SIPA1L2: variants seen among roughly 807,000 people sequenced by gnomAD.
SIPA1L2 encodes the protein signal induced proliferation associated 1 like 2.
Under a neutral mutation model 163.9 loss-of-function variants are expected in SIPA1L2, and 56 were observed. The ratio of observed to expected loss-of-function variants is 0.34; its 90% CI spans 0.28 to 0.43. SIPA1L2 has a LOEUF of 0.43. SIPA1L2 is among the 20% of genes least tolerant of loss of function. The pLI is 1.00. For synonymous variants in SIPA1L2, 877 were observed against 865.7 expected (o/e 1.01, Z -0.23); for missense variants, 1,974 against 2,193.5 (o/e 0.90, Z 2.00).
chr1:232,461,805 C>G (rs1044587556), intron 9 of SIPA1L2, among the ~76,000 whole-genome samples: 2 of 152,216 alleles, frequency 1.3e-5, no homozygotes, highest in Admixed American at 1.3e-4. Flanking sequence ...TAGGGACATA[C>G]TGTGGAGTGT....
chr1:232,599,674 A>G (rs1283500859), intron 1 of SIPA1L2, among the ~76,000 whole-genome samples: 2 of 152,076 alleles, frequency 1.3e-5, no homozygotes, highest in African/African-American at 2.4e-5. Context: ...GAGATGACCA[A>G]TCATGCTTCC....
In SIPA1L2 at chr1:232,400,694, C is replaced by G. The variant is rs1434267209; in HGVS notation, c.5023-1421G>C. ...CTGGTTTGCTCTTTTCTCCCCATCCCACTCCTGTCATCTGTGTTGATGATT... is the reference window on the plus strand; with the variant it reads ...CTGGTTTGCTCTTTTCTCCCCATCCGACTCCTGTCATCTGTGTTGATGATT... On this transcript the variant is annotated intron_variant, in intron 22 of 22. Coordinates refer to ENST00000674635, the MANE Select transcript of SIPA1L2 (RefSeq NM_020808.5). Among the ~76,000 whole-genome samples, 4 of 152,134 alleles carry G rather than the reference C, an allele frequency of 2.6e-5. No individual in the cohort carries two copies. The East Asian group carries it at 7.7e-4, about 29-fold the overall frequency.
upstream of SIPA1L2, among the ~76,000 whole-genome samples, chr1:232,630,317 C>G (rs1663325796): frequency 1.3e-5 from 2 of 151,930 alleles, no homozygotes; most frequent in Non-Finnish European, 2.9e-5. Context: ...TCCCAGGCCC[C>G]GCGGCGCGCG....
At chr1:232,599,239 G>A (rs1165547282) in intron 1 of SIPA1L2, among the ~76,000 whole-genome samples, 1 of 152,146 alleles carries the variant, frequency 6.6e-6, no homozygotes, top group African/African-American at 2.4e-5. Flanking sequence ...CTGATCATCC[G>A]GAACACCGCA....
At chr1:232,608,047 C>CAGAAAAAAAAAAA (rs1662039038) in intron 1 of SIPA1L2, among the ~76,000 whole-genome samples, 1 of 67,496 alleles carries the variant, frequency 1.5e-5, no homozygotes, top group African/African-American at 6.8e-5. Flanking sequence ...AACTCCATCT[C>CAGAAAAAAAAAAA]AAAAAAAAAA....
chr1:232,537,211 T>C (rs1398256460), intron 2 of SIPA1L2, among the ~76,000 whole-genome samples: 1 of 152,142 alleles, frequency 6.6e-6, no homozygotes, highest in Admixed American at 6.5e-5. Flanking sequence ...CACTCCAGCC[T>C]GGGTGACAAC....
intron 1 of SIPA1L2, among the ~76,000 whole-genome samples, chr1:232,606,806 A>G (rs1328751248): frequency 6.6e-6 from 1 of 151,930 alleles, no homozygotes; most frequent in Non-Finnish European, 1.5e-5. Context: ...ACCAGCAAAT[A>G]ATTTTCAAAG....
At chr1:232,406,862 A>C (rs1660668232) in intron 19 of SIPA1L2, among the ~76,000 whole-genome samples, 1 of 152,236 alleles carries the variant, frequency 6.6e-6, no homozygotes, top group East Asian at 1.9e-4. Context: ...CCACAAATAA[A>C]GCTGTTCTAA....
chr1:232,622,768 G>A (rs145297404), intron 1 of SIPA1L2, among the ~76,000 whole-genome samples: 9 of 152,226 alleles, frequency 5.9e-5, no homozygotes, highest in Non-Finnish European at 1.2e-4. Flanking sequence ...CATTTCAAAC[G>A]ACCCAGGAAA....
At chr1:232,602,337 G>A (rs1247497676) in intron 1 of SIPA1L2, among the ~76,000 whole-genome samples, 1 of 152,020 alleles carries the variant, frequency 6.6e-6, no homozygotes, top group Non-Finnish European at 1.5e-5. Flanking sequence ...TTTTTGTTTT[G>A]TTTTGTTTAT....
At chr1:232,584,934 G>C (rs1573125405) in intron 1 of SIPA1L2, among the ~76,000 whole-genome samples, 1 of 152,194 alleles carries the variant, frequency 6.6e-6, no homozygotes, top group African/African-American at 2.4e-5. Context: ...CCATATATGG[G>C]GGAGAGAGGA....
At chr1:232,574,258 G>A (rs1253633936) in intron 1 of SIPA1L2, among the ~76,000 whole-genome samples, 36 bp from the exon 2 acceptor site, 2 of 152,194 alleles carry the variant, frequency 1.3e-5, no homozygotes, top group Admixed American at 6.5e-5. Context: ...CAGACTCCCA[G>A]AACAACTCTT....
chr1:232,573,341 C>A (rs1008868582), intron 2 of SIPA1L2, among the ~76,000 whole-genome samples: 1 of 152,152 alleles, frequency 6.6e-6, no homozygotes, highest in Non-Finnish European at 1.5e-5. Context: ...GATAACTAAA[C>A]CTCTGTTACC....
chr1:232,556,857 T>C (rs1658740569), intron 2 of SIPA1L2, among the ~76,000 whole-genome samples: 1 of 152,166 alleles, frequency 6.6e-6, no homozygotes, highest in African/African-American at 2.4e-5. Flanking sequence ...TTTCCCTCTA[T>C]TTTTTAGATT....
At chr1:232,572,712 TATATAC>T (rs1161549680) in intron 2 of SIPA1L2, among the ~76,000 whole-genome samples, 2 of 75,148 alleles carry the variant, frequency 2.7e-5, no homozygotes, top group African/African-American at 4.9e-5. Context: ...TATATATATA[TATATAC>T]ACACATATAT....
At position 232,439,209 on chromosome 1, in the gene SIPA1L2, T is replaced by G. The variant is rs781596532; in HGVS notation, c.3930A>C (p.Pro1310=). 1 of 1,613,808 alleles carries G rather than the reference T, an allele frequency of 6.2e-7. No individual in the cohort carries two copies. Among genetic ancestry groups the G allele is most frequent in the Non-Finnish European group, 8.5e-7 (1 of 1,180,036 alleles). The change falls in exon 15 of 23, where the codon CCA becomes CCC. Residue 1310 remains proline (P), a synonymous_variant. Transcript: ENST00000674635. ...AGCCATGCACAGAATATAACTTGGC[T>G]GGCTCGTCGTCAGGCCCAGAGACGT... The part of the protein sequence containing the change: ...AADVSGPDDE[P]AKLYSVHGYA...
intron 2 of SIPA1L2, among the ~76,000 whole-genome samples, chr1:232,553,637 T>C (rs777565679): frequency 6.6e-6 from 1 of 152,140 alleles, no homozygotes; most frequent in Admixed American, 6.5e-5. Context: ...ATAGAGGAGT[T>C]AGCTGCTCGA....
chr1:232,559,366 T>C (rs1344978939), intron 2 of SIPA1L2, among the ~76,000 whole-genome samples: 1 of 152,242 alleles, frequency 6.6e-6, no homozygotes, highest in Non-Finnish European at 1.5e-5. Context: ...AGACCCGGCA[T>C]GTAGAGTGCT....
At chr1:232,567,122 C>T (rs973699853) in intron 2 of SIPA1L2, among the ~76,000 whole-genome samples, 3 of 152,176 alleles carry the variant, frequency 2.0e-5, no homozygotes, top group Admixed American at 6.5e-5. Context: ...TGCTCCATTA[C>T]AAATTAGCTA....
Sources: allele counts gnomAD v4.1 joint callset (sites outside exome capture counted in the v4.1 genomes callset), GRCh38; gene constraint gnomAD v4.1.1; transcripts MANE v1.5; gene names NCBI Gene and HGNC (gene_info 2026-07-23, HGNC 2026-07-21).